Variants in KPNA5 observed in about 807,000 individuals in gnomAD.
KPNA5 encodes importin subunit alpha-6.
KPNA5 carries 46 observed loss-of-function variants against 71.3 expected under a neutral mutation model. That is an observed-to-expected ratio of 0.65 (90% CI 0.51 to 0.83). KPNA5 has a LOEUF of 0.83. Among genes scored for constraint, KPNA5 ranks in the 40% least tolerant of loss-of-function variants. KPNA5 has a pLI of 0.00. For missense variants in KPNA5, 547 were observed against 628.3 expected, an observed-to-expected ratio of 0.87 and a Z score of 1.38; for synonymous variants, 207 against 201.4, an observed-to-expected ratio of 1.03 and a Z score of -0.24.
chr6:116,687,041 A>G (rs1230675176), intron 1 of KPNA5, among the ~76,000 whole-genome samples: 2 of 152,148 alleles, frequency 1.3e-5, no homozygotes, highest in Admixed American at 6.5e-5. Context: ...ATGAATTTGA[A>G]AATAGTTTTT....
chr6:116,704,256 C>T (rs1373563705), intron 6 of KPNA5, among the ~76,000 whole-genome samples: 4 of 151,910 alleles, frequency 2.6e-5, no homozygotes, highest in South Asian at 2.1e-4. Context: ...CCAGGCTGGT[C>T]GCAAACTCCT....
intron 4 of KPNA5, among the ~76,000 whole-genome samples, chr6:116,693,878 T>C (rs1459851835): frequency 2.0e-5 from 3 of 151,766 alleles, no homozygotes; most frequent in African/African-American, 7.3e-5. Context: ...AGGTCTAACA[T>C]GTAAGTCTTT....
chr6:116,699,333 C>A (rs540016874), intron 5 of KPNA5, among the ~76,000 whole-genome samples: 22 of 152,060 alleles, frequency 1.4e-4, no homozygotes, highest in Non-Finnish European at 2.4e-4. Context: ...TGGAAATTTA[C>A]TGAAGTTTGT....
Position 116,685,272 on chromosome 6 carries a change from G to A in KPNA5, c.4+3934G>A, listed in dbSNP as rs117105953. ...AAATGAAAGAAGCCGGATTTATTTTGTTGGTTTTGTTGTTGTTGTTTATTT... is the reference window on the plus strand; with the variant it reads ...AAATGAAAGAAGCCGGATTTATTTTATTGGTTTTGTTGTTGTTGTTTATTT... On this transcript the variant is annotated intron_variant, in intron 1 of 13. Coordinates refer to ENST00000368564, the MANE Select transcript of KPNA5 (RefSeq NM_001366306.2). Among the ~76,000 whole-genome samples, 350 of 152,286 alleles carry A rather than the reference G, an allele frequency of 2.3e-3. 1 individual carries two copies. The highest frequency in any genetic ancestry group is 4.2e-3 in the Non-Finnish European group (286 of 68,008).
chr6:116,710,632 A>G (rs1778626256), intron 7 of KPNA5, among the ~76,000 whole-genome samples: 1 of 151,936 alleles, frequency 6.6e-6, no homozygotes, highest in African/African-American at 2.4e-5. Flanking sequence ...CAGTGAAGCC[A>G]TCTGGTGCTG....
chr6:116,686,020 T>C (rs115270205), intron 1 of KPNA5, among the ~76,000 whole-genome samples: 9,954 of 152,186 alleles, frequency 0.065, 443 homozygotes, highest in Admixed American at 0.15. Flanking sequence ...TTCTTCCACC[T>C]CAGCCTTCTG....
intron 7 of KPNA5, among the ~76,000 whole-genome samples, chr6:116,715,571 A>C (rs1444193810): frequency 6.6e-6 from 1 of 152,184 alleles, no homozygotes; most frequent in African/African-American, 2.4e-5. Flanking sequence ...TCTTTATATA[A>C]TTTAAAACTG....
At chr6:116,730,999 TAAATA>T in intron 13 of KPNA5, among the ~76,000 whole-genome samples, 1 of 152,242 alleles carries the variant, frequency 6.6e-6, no homozygotes, top group South Asian at 2.1e-4. Flanking sequence ...CATTTATGTT[TAAATA>T]ACTCAGTCTA....
rs143753509 is a variant in KPNA5, at chr6:116,725,860, A to G, written c.1109A>G (p.Asn370Ser). 1.2e-6 allele frequency: 2 copies of G among 1,613,020 alleles called. No homozygotes were observed. Among genetic ancestry groups the G allele is most frequent in the Non-Finnish European group, 1.7e-6 (2 of 1,179,480 alleles). The part of the protein sequence containing the change: ...CWTVSNITAG[N>S]RAQIQAVIDA... ...ACTGTTTCTAACATCACTGCTGGAA[A>G]TAGAGCTCAGATTCAGGTAACTACC... Residue 370 changes from asparagine to serine, a missense_variant, in exon 11 of 14, where the codon AAT (asparagine) becomes AGT (serine). Asn to Ser is a conservative substitution (Grantham distance 46, BLOSUM62 1). Coordinates refer to ENST00000368564, the MANE Select transcript of KPNA5 (RefSeq NM_001366306.2).
chr6:116,706,146 T>G (rs1778428374), intron 7 of KPNA5, among the ~76,000 whole-genome samples: 1 of 152,272 alleles, frequency 6.6e-6, no homozygotes, highest in Non-Finnish European at 1.5e-5. Flanking sequence ...AGTTTCAATT[T>G]GAGACTTGTC....
rs1779855879 is a variant in KPNA5 at position 116,741,024 on chromosome 6, C to G, written c.*8701C>G. The G allele has an allele frequency of 7.3e-6, 1 of 136,572 alleles. No individual in the cohort carries two copies. The highest frequency in any genetic ancestry group is 1.6e-5 in the Non-Finnish European group (1 of 62,944). 8.5% of individuals were successfully genotyped at this position (136,572 alleles called of 1,614,324 possible). ...AAAAAAGAAATGTACTTTTAAATTT[C>G]AGACCTTAAAAATATGCCACTAACT... On this transcript the variant is annotated 3_prime_UTR_variant, in exon 14 of 14. Transcript: ENST00000368564.
intron 7 of KPNA5, among the ~76,000 whole-genome samples, chr6:116,706,794 A>G (rs1171761011): frequency 6.6e-6 from 1 of 152,214 alleles, no homozygotes; most frequent in Non-Finnish European, 1.5e-5. Flanking sequence ...TAAAAAAATA[A>G]GAAAAGTAAT....
chr6:116,702,191 G>A (rs765844821), intron 6 of KPNA5, 41 bp downstream of exon 6: 24 of 1,578,984 alleles, frequency 1.5e-5, no homozygotes, highest in Non-Finnish European at 2.1e-5. Flanking sequence ...CTAGAATTCA[G>A]TTTTCTCTTG....
intron 5 of KPNA5, among the ~76,000 whole-genome samples, chr6:116,701,380 C>T (rs1194844866): frequency 1.3e-5 from 2 of 151,978 alleles, no homozygotes; most frequent in East Asian, 1.9e-4. Context: ...TGAATTTTCT[C>T]AGTTGCTTTT....
At chr6:116,722,323 T>C (rs772033025) in intron 9 of KPNA5, 34 bp downstream of exon 9, 20 of 1,494,942 alleles carry the variant, frequency 1.3e-5, no homozygotes, top group Non-Finnish European at 1.7e-5. Context: ...AATAATTGTA[T>C]GATTGAGATT....
rs1326210105 is a variant in KPNA5, at chr6:116,735,782, A to G, written c.*3459A>G. ...AAAATAGAATTATAAAAAATAGCTA[A>G]TCCAAAACTAGACAGAAAAAGAGAA... On this transcript the variant is annotated 3_prime_UTR_variant, in exon 14 of 14. Transcript: ENST00000368564. 6.6e-6 allele frequency: 1 copy of G among 151,786 alleles called. No individual in the cohort carries two copies. Among genetic ancestry groups the G allele is most frequent in the Non-Finnish European group, 1.5e-5 (1 of 67,792 alleles). The allele number at this position is 151,786 out of a possible 1,614,324, so 9.4% of individuals were successfully genotyped here.
chr6:116,692,184 T>G, intron 3 of KPNA5, 28 bp downstream of exon 3: 1 of 1,500,788 alleles, frequency 6.7e-7, no homozygotes, highest in Non-Finnish European at 9.2e-7. Flanking sequence ...ATGTTTCAAA[T>G]TATACCTCAA....
rs150655292 is a variant in KPNA5, at chr6:116,694,663, T to C, written c.340+2271T>C. On this transcript the variant is annotated intron_variant, in intron 4 of 13. Transcript: ENST00000368564. ...CTGAGACGATGGGGTTTTCTAGATATACAATCAGACATGATTTTTTAAATG... is the reference window on the plus strand; with the variant it reads ...CTGAGACGATGGGGTTTTCTAGATACACAATCAGACATGATTTTTTAAATG... Among the ~76,000 whole-genome samples, 631 of 152,308 alleles carry C rather than the reference T, an allele frequency of 4.1e-3. 4 individuals are homozygous for C. The highest frequency in any genetic ancestry group is 0.014 in the African/African-American group (591 of 41,566).
At chr6:116,692,898 A>G (rs1777861217) in intron 4 of KPNA5, among the ~76,000 whole-genome samples, 1 of 151,926 alleles carries the variant, frequency 6.6e-6, no homozygotes, top group Non-Finnish European at 1.5e-5. Flanking sequence ...CTCCCACCCC[A>G]CAACAGGCCC....
Sources: gnomAD v4.1 joint callset for allele counts (sites outside exome capture counted in the v4.1 genomes callset) on GRCh38, gnomAD v4.1.1 for gene constraint, MANE v1.5 for transcripts, NCBI Gene and HGNC (gene_info 2026-07-23, HGNC 2026-07-21) for gene names.